SESTD1: variants seen among roughly 807,000 people sequenced by gnomAD.
The protein encoded by SESTD1 is SEC14 domain and spectrin repeat-containing protein 1.
SESTD1 carries 43 observed loss-of-function variants against 101.7 expected under a neutral mutation model. The ratio of observed to expected loss-of-function variants is 0.42; its 90% CI spans 0.33 to 0.55. The LOEUF (loss-of-function observed/expected upper bound fraction) is 0.55, where lower values mean the gene tolerates loss of function less well. Among genes scored for constraint, SESTD1 ranks in the 20% least tolerant of loss-of-function variants. SESTD1 has a pLI of 0.07. For synonymous variants in SESTD1, 283 were observed against 286.8 expected (o/e 0.99, Z 0.13); for missense variants, 647 against 815.1 (o/e 0.79, Z 2.51).
At chr2:179,138,397 T>C (rs554046022) in intron 9 of SESTD1, among the ~76,000 whole-genome samples, 71 of 152,078 alleles carry the variant, frequency 4.7e-4, no homozygotes, top group Non-Finnish European at 8.4e-4. Context: ...TCAGATAGGG[T>C]TACATAAAAA....
At chr2:179,194,447 G>A (rs916645479) in intron 1 of SESTD1, among the ~76,000 whole-genome samples, 1 of 152,094 alleles carries the variant, frequency 6.6e-6, no homozygotes, top group African/African-American at 2.4e-5. Context: ...CTCATTTCAT[G>A]AAGGAATTTA....
intron 7 of SESTD1, among the ~76,000 whole-genome samples, chr2:179,148,861 C>G (rs1172463780): frequency 1.3e-5 from 2 of 151,796 alleles, no homozygotes; most frequent in African/African-American, 4.8e-5. Flanking sequence ...GAGATCGAGA[C>G]CATTCTGGGT....
chr2:179,182,830 T>C (rs1386654303), intron 3 of SESTD1, among the ~76,000 whole-genome samples: 1 of 152,146 alleles, frequency 6.6e-6, no homozygotes, highest in East Asian at 1.9e-4. Context: ...AGATGCTTAG[T>C]TACTGGGTTC....
intron 3 of SESTD1, among the ~76,000 whole-genome samples, chr2:179,179,397 G>A (rs1021648994): frequency 6.6e-6 from 1 of 152,140 alleles, no homozygotes; most frequent in African/African-American, 2.4e-5. Context: ...ATGTAAACGT[G>A]AAACTGTCTA....
Position 179,117,427 on chromosome 2 carries a change from G to T in SESTD1, c.1524+105C>A, listed in dbSNP as rs976287795. 2.4e-4 allele frequency: 238 copies of T among 993,548 alleles called. 2 individuals are homozygous for T. The highest frequency in any genetic ancestry group is 6.5e-5 in the Non-Finnish European group (44 of 678,844). The allele number at this position is 993,548 out of a possible 1,614,324, so 61.5% of individuals were successfully genotyped here. On this transcript the variant is annotated intron_variant, in intron 14 of 17. Coordinates refer to ENST00000428443, the MANE Select transcript of SESTD1 (RefSeq NM_178123.5). ...TAGATAAACTAGAACCTGACTTCAA[G>T]AATTTACTTTTTTAGGACCATGAAA...
At chr2:179,187,789 C>A (rs1051837337) in intron 2 of SESTD1, among the ~76,000 whole-genome samples, 2 of 152,074 alleles carry the variant, frequency 1.3e-5, no homozygotes, top group Non-Finnish European at 2.9e-5. Flanking sequence ...ATTCTCATAT[C>A]AGAAAAAACA....
chr2:179,210,142 G>T (rs2046633124), intron 1 of SESTD1, among the ~76,000 whole-genome samples: 1 of 133,714 alleles, frequency 7.5e-6, no homozygotes, highest in Non-Finnish European at 1.6e-5. Context: ...AAACCAGGAA[G>T]AAAGAAAAAC....
intron 5 of SESTD1, among the ~76,000 whole-genome samples, chr2:179,168,937 T>C (rs893961990): frequency 6.6e-6 from 1 of 152,132 alleles, no homozygotes; most frequent in Non-Finnish European, 1.5e-5. Context: ...GTTAGACTGA[T>C]TATTAAAGAC....
At chr2:179,163,728 A>T (rs1487798609) in intron 5 of SESTD1, among the ~76,000 whole-genome samples, 1 of 152,120 alleles carries the variant, frequency 6.6e-6, no homozygotes, top group Non-Finnish European at 1.5e-5. Context: ...AGAAGTTAAG[A>T]CAAGACAAAT....
intron 13 of SESTD1, among the ~76,000 whole-genome samples, chr2:179,119,565 C>T (rs181371911): frequency 6.6e-6 from 1 of 152,270 alleles, no homozygotes; most frequent in Admixed American, 6.5e-5. Context: ...ATTCTGTTTC[C>T]TGAGGCCTCT....
chr2:179,143,370 A>C (rs912958316), intron 9 of SESTD1, among the ~76,000 whole-genome samples: 2 of 152,214 alleles, frequency 1.3e-5, no homozygotes, highest in Non-Finnish European at 2.9e-5. Flanking sequence ...TTTGAAGTTC[A>C]TTGTTACACT....
chr2:179,248,214 C>T (rs1012911675), intron 1 of SESTD1, among the ~76,000 whole-genome samples: 8 of 151,930 alleles, frequency 5.3e-5, no homozygotes, highest in African/African-American at 9.7e-5. Flanking sequence ...CTATCACAAC[C>T]CATCTAATAT....
chr2:179,221,425 C>T (rs2046813055), intron 1 of SESTD1, among the ~76,000 whole-genome samples: 1 of 151,786 alleles, frequency 6.6e-6, no homozygotes, highest in Non-Finnish European at 1.5e-5. Context: ...CCAGCCTGGC[C>T]AACATAGTGA....
At chr2:179,225,656 T>C (rs973521976) in intron 1 of SESTD1, among the ~76,000 whole-genome samples, 1 of 152,140 alleles carries the variant, frequency 6.6e-6, no homozygotes, top group African/African-American at 2.4e-5. Context: ...CTGTTCCTCA[T>C]AGATGGTATC....
chr2:179,115,039 A>G (rs1294282526), intron 16 of SESTD1, 26 bp downstream of exon 16: 1 of 1,598,738 alleles, frequency 6.3e-7, no homozygotes, highest in Admixed American at 1.8e-5. Context: ...ACCACTGAGA[A>G]TAACATTTCA....
At chr2:179,225,423 A>G (rs1334615962) in intron 1 of SESTD1, among the ~76,000 whole-genome samples, 1 of 152,166 alleles carries the variant, frequency 6.6e-6, no homozygotes, top group Non-Finnish European at 1.5e-5. Context: ...TCATTTTTTT[A>G]AAGATATGAC....
rs200975395 is a variant in SESTD1 at position 179,263,516 on chromosome 2, G to C, written c.-26+983C>G. 3.9e-5 allele frequency among the ~76,000 whole-genome samples: 6 copies of C among 152,194 alleles called. No homozygotes were observed. The East Asian group carries it at 1.2e-3, about 29-fold the overall frequency. ...CAATTTAAATTTGACGGTTTGCCAAGCTATGCTGGGATACATAGTGGGCAT... is the reference window on the plus strand; with the variant it reads ...CAATTTAAATTTGACGGTTTGCCAACCTATGCTGGGATACATAGTGGGCAT... On this transcript the variant is annotated intron_variant, in intron 1 of 17. Coordinates refer to ENST00000428443, the MANE Select transcript of SESTD1 (RefSeq NM_178123.5).
intron 2 of SESTD1, among the ~76,000 whole-genome samples, chr2:179,187,945 C>A (rs2046258588): frequency 6.6e-6 from 1 of 152,098 alleles, no homozygotes; most frequent in South Asian, 2.1e-4. Context: ...AAAAGTAATT[C>A]TGGACCTACA....
chr2:179,145,508 A>T (rs1007207953), intron 8 of SESTD1, among the ~76,000 whole-genome samples: 2 of 152,002 alleles, frequency 1.3e-5, no homozygotes, highest in Admixed American at 1.3e-4. Context: ...AGCTATTATT[A>T]AAAAAAAGAT....
Sources: allele counts gnomAD v4.1 joint callset (sites outside exome capture counted in the v4.1 genomes callset), GRCh38; gene constraint gnomAD v4.1.1; transcripts MANE v1.5; gene names NCBI Gene and HGNC (gene_info 2026-07-23, HGNC 2026-07-21).